SUPT16H: variants seen among roughly 807,000 people sequenced by gnomAD.
The protein encoded by SUPT16H is SPT16 homolog, facilitates chromatin remodeling subunit, also known as FACT complex subunit SPT16.
Under a neutral mutation model 136.2 loss-of-function variants are expected in SUPT16H, and 24 were observed. The ratio of observed to expected loss-of-function variants is 0.18; its 90% confidence interval spans 0.13 to 0.25. SUPT16H has a LOEUF of 0.25. Among genes scored for constraint, SUPT16H ranks in the 10% least tolerant of loss-of-function variants. The probability of loss-of-function intolerance (pLI) is 1.00; values close to 1 mark genes in which losing one functional copy is unlikely to be tolerated. For missense variants in SUPT16H, 623 were observed against 1,270.2 expected, an observed-to-expected ratio of 0.49 and a Z score of 7.74; for synonymous variants, 415 against 428.2, an observed-to-expected ratio of 0.97 and a Z score of 0.38.
chr14:21,358,797 G>A (rs561349874), intron 19 of SUPT16H, among the ~76,000 whole-genome samples: 1 of 151,474 alleles, frequency 6.6e-6, no homozygotes, highest in Non-Finnish European at 1.5e-5. Flanking sequence ...CAGATTCAGG[G>A]TTGTTTATTT....
In SUPT16H at chr14:21,359,617, C is replaced by T; in HGVS notation, c.2176-8G>A. On this transcript the variant is annotated splice_polypyrimidine_tract_variant and splice_region_variant and intron_variant, in intron 18 of 25. Transcript: ENST00000216297. Reference sequence around the variant, plus strand: ...CCCAAACATGATGGCATTCTGTCGGCATAAAACAGAAAGAACACAGAAGTC... The same window carrying T: ...CCCAAACATGATGGCATTCTGTCGGTATAAAACAGAAAGAACACAGAAGTC... 6.2e-7 allele frequency: 1 copy of T among 1,612,374 alleles called. No homozygotes were observed. The highest frequency in any genetic ancestry group is 8.5e-7 in the Non-Finnish European group (1 of 1,179,292).
At chr14:21,360,674 C>T in intron 17 of SUPT16H, 141 bp from the exon 18 acceptor site, 1 of 1,210,522 alleles carries the variant, frequency 8.3e-7, no homozygotes, top group Non-Finnish European at 1.2e-6. Flanking sequence ...GGCCACACAG[C>T]AGTGTAAGTA....
chr14:21,372,652 G>A (rs776160326), intron 2 of SUPT16H: 1 of 453,030 alleles, frequency 2.2e-6, no homozygotes, highest in South Asian at 1.6e-5. Context: ...TCTGTACCAC[G>A]TGCAAGAGGG....
chr14:21,363,058 T>C lies in SUPT16H; in HGVS notation c.1487A>G (p.Gln496Arg), dbSNP rs201675046. The C allele has an allele frequency of 3.7e-6, 6 of 1,614,070 alleles. No homozygotes were observed. The East Asian group carries it at 1.3e-4, about 36-fold the overall frequency. The change falls in exon 13 of 26, where the codon CAA becomes CGA. Residue 496 changes from glutamine to arginine, a missense_variant. Physicochemically the swap from Gln to Arg is conservative, Grantham distance 43. Around this residue, in one of 7 missense-constraint regions of SUPT16H, gnomAD observed 30 missense variants for 44.8 expected, o/e 0.67. Coordinates refer to ENST00000216297, the MANE Select transcript of SUPT16H (RefSeq NM_007192.4). ...NEEAKRRLTEQKGEQQIQKAR... is the reference protein window; with the variant it reads ...NEEAKRRLTERKGEQQIQKAR... Reference sequence around the variant, plus strand: ...CTTCTGAATCTGCTGTTCTCCCTTTTGTTCAGTCAATCGCCTCTTTGCTTC... The same window carrying C: ...CTTCTGAATCTGCTGTTCTCCCTTTCGTTCAGTCAATCGCCTCTTTGCTTC...
rs752805216 is a variant in SUPT16H, at chr14:21,360,544, G to T, written c.2057-11C>A. ...ATGTGAAGCGGAAGCCTGGGGAAAA[G>T]AATGAAGAAATGTCAAGCAGTATAA... On this transcript the variant is annotated splice_polypyrimidine_tract_variant and intron_variant, in intron 17 of 25. Coordinates refer to ENST00000216297, the MANE Select transcript of SUPT16H (RefSeq NM_007192.4). 2 of 1,600,958 alleles carry T rather than the reference G, an allele frequency of 1.2e-6. No homozygotes were observed.
At position 21,362,779 on chromosome 14, in the gene SUPT16H, A is replaced by G. The variant is rs140119850; in HGVS notation, c.1665+15T>C. 286 of 1,589,000 alleles carry G rather than the reference A, an allele frequency of 1.8e-4. 5 individuals carry two copies. In the African/African-American group the frequency reaches 2.9e-3, roughly 16 times the overall value. ...CAACAGTTTGGATGAAACCTGATGC[A>G]CTGAATGTCAGTACCTTGATTGTGG... On this transcript the variant is annotated intron_variant, in intron 14 of 25. Coordinates refer to ENST00000216297, the MANE Select transcript of SUPT16H (RefSeq NM_007192.4).
rs11423762 is a variant in SUPT16H, at chr14:21,355,754, G to GA, written c.2661-1215dup. On this transcript the variant is annotated intron_variant, in intron 22 of 25. Transcript: ENST00000216297. ...TGAATCAGTTAAGAGTGGGTAAGAA[G>GA]AAAAAAATCAAAGAAATGACAATAG... Among the ~76,000 whole-genome samples the GA allele has an allele frequency of 9.8e-3, 1,490 of 151,914 alleles. 24 individuals carry two copies. The highest frequency in any genetic ancestry group is 0.032 in the African/African-American group (1,317 of 41,412).
chr14:21,357,879 T>TGA (rs769624680), intron 21 of SUPT16H, 48 bp downstream of exon 21: 1 of 1,554,694 alleles, frequency 6.4e-7, no homozygotes, highest in Non-Finnish European at 8.8e-7. Context: ...TATCCTTCTT[T>TGA]ATTTTCTCTA....
At chr14:21,365,655 C>G (rs539174421) in intron 8 of SUPT16H, among the ~76,000 whole-genome samples, 2 of 152,280 alleles carry the variant, frequency 1.3e-5, no homozygotes, top group Admixed American at 1.3e-4. Context: ...CCCAAAATGT[C>G]CTTTGTTCCA....
chr14:21,372,768 T>C (rs1454834567), intron 2 of SUPT16H: 1 of 412,282 alleles, frequency 2.4e-6, no homozygotes, highest in African/African-American at 2.1e-5. Flanking sequence ...ACTTAGGTTT[T>C]TGTGTTATAG....
In SUPT16H at chr14:21,370,418, A is replaced by T; in HGVS notation, c.401T>A (p.Ile134Asn). The stretch of plus-strand genomic sequence containing the variant: ...GAATTTGTCTTTGCTGAACACTCCA[A>T]TCTTCTTGCCATTCTTGCTTTCTTT... Reference protein sequence around the residue: ...AIKESKNGKKIGVFSKDKFPG... With the variant: ...AIKESKNGKKNGVFSKDKFPG... The change falls in exon 4 of 26, where the codon ATT becomes AAT. Residue 134 changes from isoleucine (I) to asparagine (N), a missense_variant. By Grantham distance (149) the Ile-to-Asn change is moderately radical. Around this residue, in one of 7 missense-constraint regions of SUPT16H, gnomAD observed 343 missense variants for 525.7 expected, o/e 0.65. Transcript: ENST00000216297. 1 of 1,613,844 alleles carries T rather than the reference A, an allele frequency of 6.2e-7. No homozygotes were observed. Among genetic ancestry groups the T allele is most frequent in the Non-Finnish European group, 8.5e-7 (1 of 1,179,968 alleles).
chr14:21,353,790 C>T lies in SUPT16H; in HGVS notation c.2833G>A (p.Asp945Asn). The T allele has an allele frequency of 6.2e-7, 1 of 1,614,122 alleles. No homozygotes were observed. The highest frequency in any genetic ancestry group is 8.5e-7 in the Non-Finnish European group (1 of 1,180,014). Residue 945 changes from aspartate (D) to asparagine (N), a missense_variant, in exon 24 of 26, where the codon GAT becomes AAT. Physicochemically the swap from Asp to Asn is conservative, Grantham distance 23. Transcript: ENST00000216297. ...TCTTCTGAAGGATTAAAAGTCTCAT[C>T]TTCAATTTCAGACTCTGAATCCCCT... ...EEGDSESEIEDETFNPSEDDY... is the reference protein window; with the variant it reads ...EEGDSESEIENETFNPSEDDY...
chr14:21,352,270 T>C lies in SUPT16H; in HGVS notation c.*403A>G, dbSNP rs897712386. 13 of 195,082 alleles carry C rather than the reference T, an allele frequency of 6.7e-5. No individual in the cohort carries two copies. Among genetic ancestry groups the C allele is most frequent in the Non-Finnish European group, 5.5e-5 (5 of 91,660 alleles). 12.1% of individuals were successfully genotyped at this position (195,082 alleles called of 1,614,324 possible). ...CAGTAGGGTAGGTTGGAGGATTGAA[T>C]GTGCTGGTCAAGAACCATGATACGG... On this transcript the variant is annotated 3_prime_UTR_variant, in exon 26 of 26. Transcript: ENST00000216297.
intron 1 of SUPT16H, chr14:21,383,253 T>G: frequency 9.5e-6 from 2 of 209,700 alleles, no homozygotes; most frequent in Non-Finnish European, 9.4e-6. Context: ...TAGGCATCGT[T>G]TTGTTTTGTT....
At chr14:21,358,548 A>G in intron 19 of SUPT16H, 121 bp from the exon 20 acceptor site, 1 of 652,972 alleles carries the variant, frequency 1.5e-6, no homozygotes, top group Non-Finnish European at 2.7e-6. Context: ...TCAGGAGTGC[A>G]TGGGCAGGAT....
intron 7 of SUPT16H, 52 bp from the exon 8 acceptor site, chr14:21,366,581 C>A (rs1886673140): frequency 6.4e-7 from 1 of 1,552,334 alleles, no homozygotes; most frequent in African/African-American, 1.4e-5. Context: ...GAAAAAAACT[C>A]AGTAACATTT....
At chr14:21,359,951 T>C (rs1886514900) in intron 18 of SUPT16H, among the ~76,000 whole-genome samples, 1 of 152,254 alleles carries the variant, frequency 6.6e-6, no homozygotes, top group Admixed American at 6.5e-5. Flanking sequence ...GAGCCCCTTC[T>C]AGATGCCAGG....
chr14:21,372,216 C>G, intron 2 of SUPT16H, 172 bp from the exon 3 acceptor site: 1 of 640,968 alleles, frequency 1.6e-6, no homozygotes, highest in South Asian at 2.3e-5. Flanking sequence ...GGCCAAGAGT[C>G]GACAATTTAT....
In SUPT16H at chr14:21,374,347, T is replaced by C. The variant is rs1886854197; in HGVS notation, c.67-917A>G. Among the ~76,000 whole-genome samples the C allele has an allele frequency of 2.6e-5, 4 of 152,178 alleles. No individual in the cohort carries two copies. The South Asian group carries it at 8.3e-4, about 31-fold the overall frequency. ...TTTCTGGCTGATGGAGAGACGGGAG[T>C]TCTTTATTTTTTAAAAAAGTTTTAT... On this transcript the variant is annotated intron_variant, in intron 1 of 25. Coordinates refer to ENST00000216297, the MANE Select transcript of SUPT16H (RefSeq NM_007192.4).
Sources: allele counts gnomAD v4.1 joint callset (sites outside exome capture counted in the v4.1 genomes callset), GRCh38; gene constraint gnomAD v4.1.1; regional missense constraint gnomAD v4.1.1; transcripts MANE v1.5; gene names NCBI Gene and HGNC (gene_info 2026-07-23, HGNC 2026-07-21).